COTL1: variants seen among roughly 807,000 people sequenced by gnomAD.
COTL1 encodes coactosin-like protein.
A neutral mutation model predicts 16.5 loss-of-function variants in COTL1; 15 were observed. The observed-to-expected ratio is 0.91, with a 90% CI of 0.61 to 1.40. The LOEUF is 1.40. Ranked by LOEUF, COTL1 falls within the 40% of genes most tolerant of loss-of-function variation. The pLI, the probability that COTL1 is intolerant of heterozygous loss-of-function variation, is 0.00. For missense variants in COTL1, 220 were observed against 201.5 expected, an observed-to-expected ratio of 1.09 and a Z score of -0.56; for synonymous variants, 112 against 85.3, an observed-to-expected ratio of 1.31 and a Z score of -1.73.
intron 3 of COTL1, among the ~76,000 whole-genome samples, chr16:84,589,890 T>A (rs1407029108): frequency 6.6e-6 from 1 of 152,152 alleles, no homozygotes; most frequent in Non-Finnish European, 1.5e-5. Context: ...ATGGGATAGG[T>A]GGGATCGTAA....
intron 3 of COTL1, 73 bp from the exon 4 acceptor site, chr16:84,567,028 C>T: frequency 9.7e-7 from 1 of 1,025,908 alleles, no homozygotes; most frequent in Non-Finnish European, 1.5e-6. Context: ...GCTCAGGCAA[C>T]ACACTGGGAA....
intron 2 of COTL1, among the ~76,000 whole-genome samples, chr16:84,604,600 A>G (rs1905174137): frequency 1.3e-5 from 2 of 152,030 alleles, no homozygotes; most frequent in African/African-American, 4.8e-5. Context: ...TCACCCAGGA[A>G]GAGAGTGTGG....
At chr16:84,594,977 T>A (rs1016341262) in intron 2 of COTL1, 4 of 152,236 alleles carry the variant, frequency 2.6e-5, no homozygotes, top group Non-Finnish European at 5.9e-5. Context: ...ACCCTCCACA[T>A]CCACCCTTCC....
chr16:84,599,517 G>A (rs1905071023), intron 2 of COTL1, among the ~76,000 whole-genome samples: 1 of 152,192 alleles, frequency 6.6e-6, no homozygotes, highest in Non-Finnish European at 1.5e-5. Context: ...GTCTTGTTAT[G>A]GCCCCAGCAC....
chr16:84,612,612 G>A lies in COTL1; in HGVS notation c.160+4889C>T, dbSNP rs868739261. 1.8e-4 allele frequency among the ~76,000 whole-genome samples: 28 copies of A among 152,130 alleles called. No individual in the cohort carries two copies. The Middle Eastern group carries it at 0.017, about 92-fold the overall frequency. On this transcript the variant is annotated intron_variant, in intron 2 of 3. Transcript: ENST00000262428. Reference sequence around the variant, plus strand: ...AGCCTGGCCAACATGGTGAAACCCCGTCTCTACTAAAAATACAAAAACTTG... The same window carrying A: ...AGCCTGGCCAACATGGTGAAACCCCATCTCTACTAAAAATACAAAAACTTG...
chr16:84,616,881 T>A (rs141240870), intron 2 of COTL1, among the ~76,000 whole-genome samples: 18 of 152,294 alleles, frequency 1.2e-4, no homozygotes, highest in African/African-American at 4.1e-4. Context: ...CTCCCAGCAG[T>A]CCGGGTGGTG....
chr16:84,588,015 G>T lies in COTL1; in HGVS notation c.318+2090C>A, dbSNP rs543522788. ...TCAAACTCCTGACCTTACGTGATCCGCCTGCCTTGGCCTCCCAAAGTGCTA... is the reference window on the plus strand; with the variant it reads ...TCAAACTCCTGACCTTACGTGATCCTCCTGCCTTGGCCTCCCAAAGTGCTA... On this transcript the variant is annotated intron_variant, in intron 3 of 3. Coordinates refer to ENST00000262428, the MANE Select transcript of COTL1 (RefSeq NM_021149.5). 2.0e-5 allele frequency among the ~76,000 whole-genome samples: 3 copies of T among 152,004 alleles called. No homozygotes were observed. In the East Asian group the frequency reaches 5.8e-4, roughly 29 times the overall value.
chr16:84,613,191 G>C (rs757843883), intron 2 of COTL1, among the ~76,000 whole-genome samples: 3 of 151,926 alleles, frequency 2.0e-5, no homozygotes, highest in Non-Finnish European at 4.4e-5. Flanking sequence ...GTAGAGACAG[G>C]GTTTCACTGT....
At chr16:84,585,270 G>A (rs1424648636) in intron 3 of COTL1, among the ~76,000 whole-genome samples, 1 of 150,530 alleles carries the variant, frequency 6.6e-6, no homozygotes, top group Non-Finnish European at 1.5e-5. Context: ...CACCAGAATT[G>A]CTTAAGCATG....
rs1489124584 is a variant in COTL1 at position 84,617,490 on chromosome 16, C to T, written c.160+11G>A. On this transcript the variant is annotated intron_variant, in intron 2 of 3. Coordinates refer to ENST00000262428, the MANE Select transcript of COTL1 (RefSeq NM_021149.5). ...CGACCGCGCATCCGCCCGGCAGGCGCGCCTCCCTACCTGTGCACTGCTGGA... is the reference window on the plus strand; with the variant it reads ...CGACCGCGCATCCGCCCGGCAGGCGTGCCTCCCTACCTGTGCACTGCTGGA... 15 of 1,548,642 alleles carry T rather than the reference C, an allele frequency of 9.7e-6. No homozygotes were observed. Among genetic ancestry groups the T allele is most frequent in the African/African-American group, 1.4e-5 (1 of 72,892 alleles).
intron 3 of COTL1, among the ~76,000 whole-genome samples, chr16:84,584,222 C>G (rs1306465967): frequency 2.0e-5 from 3 of 152,256 alleles, no homozygotes; most frequent in Admixed American, 2.0e-4. Context: ...GGACTGGAGT[C>G]TGGGCATCGC....
intron 2 of COTL1, among the ~76,000 whole-genome samples, chr16:84,601,076 A>G (rs1905097941): frequency 6.6e-6 from 1 of 152,140 alleles, no homozygotes; most frequent in Admixed American, 6.5e-5. Flanking sequence ...TATAGCATCT[A>G]TAAGGAGACG....
At chr16:84,592,825 G>T (rs952821431) in intron 2 of COTL1, among the ~76,000 whole-genome samples, 2 of 152,044 alleles carry the variant, frequency 1.3e-5, no homozygotes, top group Non-Finnish European at 2.9e-5. Context: ...TGGTCTAACG[G>T]GTCATCCATT....
chr16:84,588,504 T>C (rs1904786520), intron 3 of COTL1, among the ~76,000 whole-genome samples: 1 of 152,136 alleles, frequency 6.6e-6, no homozygotes, highest in Non-Finnish European at 1.5e-5. Flanking sequence ...TATTTTTTTG[T>C]TTGTTTTTCT....
rs1905544876 is a variant in COTL1, at chr16:84,617,928, C to T, written c.-14G>A. The T allele has an allele frequency of 6.5e-7, 1 of 1,548,008 alleles. No homozygotes were observed. Among genetic ancestry groups the T allele is most frequent in the Non-Finnish European group, 8.7e-7 (1 of 1,146,644 alleles). ...CTTGGTGGCCATCGCCGCGGAGCCGCAGCGGGACACTGTCCGGGGCGGCCG... is the reference window on the plus strand; with the variant it reads ...CTTGGTGGCCATCGCCGCGGAGCCGTAGCGGGACACTGTCCGGGGCGGCCG... On this transcript the variant is annotated 5_prime_UTR_variant, in exon 1 of 4. Transcript: ENST00000262428.
At chr16:84,592,224 G>A (rs4783026) in intron 2 of COTL1, among the ~76,000 whole-genome samples, 31,621 of 152,158 alleles carry the variant, frequency 0.21, 3,617 homozygotes, top group African/African-American at 0.31. Flanking sequence ...TGTGCCTCTT[G>A]AGGGGATCAC....
In COTL1 at chr16:84,617,870, G is replaced by A. The variant is rs770616974; in HGVS notation, c.45C>T (p.Asn15=). 1 of 1,575,336 alleles carries A rather than the reference G, an allele frequency of 6.3e-7. No homozygotes were observed. Among genetic ancestry groups the A allele is most frequent in the Non-Finnish European group, 8.6e-7 (1 of 1,161,646 alleles). ...CGGCCGAGCCGTCGTCGCGCACCAG[G>A]TTGTACGCCGCCCGGCAAGCCTCTT... ...IDKEACRAAY[N]LVRDDGSAVI... The change falls in exon 1 of 4, where the codon AAC becomes AAT. Residue 15 remains asparagine (N), a synonymous_variant. Transcript: ENST00000262428.
At chr16:84,583,029 G>C (rs1000733435) in intron 3 of COTL1, among the ~76,000 whole-genome samples, 3 of 152,302 alleles carry the variant, frequency 2.0e-5, no homozygotes, top group South Asian at 2.1e-4. Flanking sequence ...TGTGCAACAC[G>C]AGTCTACAAA....
chr16:84,614,483 G>T (rs750321975), intron 2 of COTL1, among the ~76,000 whole-genome samples: 79 of 152,080 alleles, frequency 5.2e-4, no homozygotes, highest in Admixed American at 9.8e-4. Context: ...TCCCATTCTG[G>T]AAAGCCGTGG....
Sources: allele counts gnomAD v4.1 joint callset (sites outside exome capture counted in the v4.1 genomes callset), GRCh38; gene constraint gnomAD v4.1.1; transcripts MANE v1.5; gene names NCBI Gene and HGNC (gene_info 2026-07-23, HGNC 2026-07-21).